FARP1: variants seen among roughly 807,000 people sequenced by gnomAD.
The protein encoded by FARP1 is FERM, ARH/RhoGEF and pleckstrin domain protein 1.
FARP1 carries 52 observed loss-of-function variants against 128.8 expected under a neutral mutation model. The observed-to-expected ratio is 0.40, with a 90% CI of 0.32 to 0.51. FARP1 has a LOEUF of 0.51. FARP1 is among the 20% of genes least tolerant of loss of function. The probability of loss-of-function intolerance (pLI) is 0.45; values close to 1 mark genes in which losing one functional copy is unlikely to be tolerated. For synonymous variants in FARP1, 580 were observed against 551.8 expected (o/e 1.05, Z -0.72); for missense variants, 1,333 against 1,367.9 (o/e 0.97, Z 0.40).
chr13:98,228,589 G>A (rs1028574137), intron 2 of FARP1, among the ~76,000 whole-genome samples: 13 of 152,182 alleles, frequency 8.5e-5, no homozygotes, highest in African/African-American at 2.9e-4. Context: ...ACCATTTTAT[G>A]GATCTCGCCT....
chr13:98,371,560 T>TC (rs1330216742), intron 5 of FARP1, among the ~76,000 whole-genome samples: 1 of 147,428 alleles, frequency 6.8e-6, no homozygotes, highest in Non-Finnish European at 1.5e-5. Context: ...AATTCCTACT[T>TC]TTTTTTTTAT....
intron 6 of FARP1, 72 bp downstream of exon 6, chr13:98,377,990 C>A: frequency 2.7e-6 from 3 of 1,125,108 alleles, no homozygotes; most frequent in South Asian, 1.3e-5. Context: ...GGAAAAAAAT[C>A]ACATCCACCA....
intron 24 of FARP1, among the ~76,000 whole-genome samples, chr13:98,443,941 T>TGGC (rs1336479921): frequency 1.1e-4 from 1 of 8,944 alleles, no homozygotes; most frequent in Admixed American, 2.8e-3. Flanking sequence ...TTGTTCCCCG[T>TGGC]GGCGTCACTC....
chr13:98,196,920 T>C (rs550780776), intron 1 of FARP1, among the ~76,000 whole-genome samples: 37 of 152,396 alleles, frequency 2.4e-4, no homozygotes, highest in African/African-American at 8.7e-4. Flanking sequence ...TCATTAATTC[T>C]AGTTGAAGTA....
chr13:98,373,402 A>G (rs1458374140), intron 5 of FARP1, among the ~76,000 whole-genome samples: 3 of 152,200 alleles, frequency 2.0e-5, no homozygotes, highest in African/African-American at 7.2e-5. Context: ...GTAGCTCTAC[A>G]AAGTGTTGGG....
Position 98,411,889 on chromosome 13 carries a change from T to A in FARP1, c.1693-12T>A, listed in dbSNP as rs778045502. The A allele has an allele frequency of 5.6e-6, 9 of 1,613,126 alleles. No homozygotes were observed. Among genetic ancestry groups the A allele is most frequent in the Non-Finnish European group, 7.6e-6 (9 of 1,179,696 alleles). Reference sequence around the variant, plus strand: ...CTTTCCACCCGTAAGTGCATCGTCTTCTTCTTTCCAGTGGTTTCAGAGCAC... The same window carrying A: ...CTTTCCACCCGTAAGTGCATCGTCTACTTCTTTCCAGTGGTTTCAGAGCAC... On this transcript the variant is annotated splice_polypyrimidine_tract_variant and intron_variant, in intron 15 of 26. Transcript: ENST00000319562.
At chr13:98,255,968 G>A (rs1883568180) in intron 2 of FARP1, among the ~76,000 whole-genome samples, 2 of 152,186 alleles carry the variant, frequency 1.3e-5, no homozygotes, top group South Asian at 4.1e-4. Context: ...CTGAACATTA[G>A]AAACACCAGT....
chr13:98,453,203 A>T lies in FARP1; in HGVS notation c.*4886A>T, dbSNP rs371298755. The T allele has an allele frequency of 2.2e-5, 35 of 1,613,386 alleles. No individual in the cohort carries two copies. The highest frequency in any genetic ancestry group is 1.6e-4 in the Middle Eastern group (1 of 6,078). ...GGGATGAAGTTCCTCCACCACTTAG[A>T]GAGTATCTAGGGAAAAAGAGAGAGA... On this transcript the variant is annotated 3_prime_UTR_variant, in exon 27 of 27. Coordinates refer to ENST00000319562, the MANE Select transcript of FARP1 (RefSeq NM_005766.4).
chr13:98,352,767 A>G (rs2127779), intron 3 of FARP1, among the ~76,000 whole-genome samples: 82,359 of 152,044 alleles, frequency 0.54, 22,406 homozygotes, highest in Non-Finnish European at 0.56. Context: ...TGTAGAAACT[A>G]CAGGGAAGAT....
At chr13:98,335,007 A>AC (rs1317973549) in intron 2 of FARP1, among the ~76,000 whole-genome samples, 3 of 151,978 alleles carry the variant, frequency 2.0e-5, no homozygotes, top group African/African-American at 7.3e-5. Context: ...TACCTAGCAA[A>AC]CTCCTACTCA....
intron 2 of FARP1, among the ~76,000 whole-genome samples, chr13:98,275,288 G>A (rs1295946515): frequency 1.3e-5 from 2 of 151,122 alleles, no homozygotes; most frequent in African/African-American, 4.9e-5. Flanking sequence ...AATACATGAT[G>A]TCAGAGATTT....
rs531699433 is a variant in FARP1 at position 98,317,182 on chromosome 13, C to A, written c.172-26580C>A. Among the ~76,000 whole-genome samples the A allele has an allele frequency of 6.6e-4, 100 of 152,292 alleles. 1 individual carries two copies. The highest frequency in any genetic ancestry group is 2.3e-3 in the African/African-American group (96 of 41,562). ...CCAAAGCTAATCCTAAAGGAAATTG[C>A]AGGTACCAGAGAGAGAGAAGGGAGA... On this transcript the variant is annotated intron_variant, in intron 2 of 26. Transcript: ENST00000319562.
chr13:98,182,156 GT>G (rs2139205555), intron 1 of FARP1, among the ~76,000 whole-genome samples: 1 of 152,064 alleles, frequency 6.6e-6, no homozygotes, highest in South Asian at 2.1e-4. Context: ...GAATTTTACA[GT>G]GTGAAGGATT....
intron 5 of FARP1, among the ~76,000 whole-genome samples, chr13:98,369,988 G>A: frequency 6.6e-6 from 1 of 152,202 alleles, no homozygotes; most frequent in East Asian, 1.9e-4. Context: ...CTAGGCACTG[G>A]GAGTGCAGTG....
chr13:98,216,459 C>T (rs994642222), intron 2 of FARP1, among the ~76,000 whole-genome samples: 8 of 152,208 alleles, frequency 5.3e-5, no homozygotes. Flanking sequence ...TCTCATGGCT[C>T]AGTCACATTT....
At chr13:98,284,680 A>C (rs998184256) in intron 2 of FARP1, among the ~76,000 whole-genome samples, 4 of 152,036 alleles carry the variant, frequency 2.6e-5, no homozygotes, top group African/African-American at 9.7e-5. Context: ...TTGTCCCTCA[A>C]TGTTTTTTCC....
At chr13:98,372,745 C>T (rs1386038091) in intron 5 of FARP1, among the ~76,000 whole-genome samples, 1 of 152,194 alleles carries the variant, frequency 6.6e-6, no homozygotes, top group African/African-American at 2.4e-5. Context: ...TCTGTCTGCT[C>T]CTGCCATAAT....
At chr13:98,191,602 T>G (rs1184752021) in intron 1 of FARP1, among the ~76,000 whole-genome samples, 3 of 152,258 alleles carry the variant, frequency 2.0e-5, no homozygotes, top group African/African-American at 7.2e-5. Context: ...ATTTTCAGTA[T>G]TTCTTTTTTT....
intron 2 of FARP1, among the ~76,000 whole-genome samples, chr13:98,284,467 C>A (rs926239052): frequency 6.6e-6 from 1 of 152,190 alleles, no homozygotes; most frequent in Non-Finnish European, 1.5e-5. Flanking sequence ...GTTCCCCCAA[C>A]CCGAGAGCTA....
Sources: allele counts gnomAD v4.1 joint callset (sites outside exome capture counted in the v4.1 genomes callset), GRCh38; gene constraint gnomAD v4.1.1; transcripts MANE v1.5; gene names NCBI Gene and HGNC (gene_info 2026-07-23, HGNC 2026-07-21).